DNAH12: variants seen among roughly 807,000 people sequenced by gnomAD.
DNAH12 encodes the protein axonemal beta dynein heavy chain 12.
A neutral mutation model predicts 371.5 loss-of-function variants in DNAH12; 285 were observed. The ratio of observed to expected loss-of-function variants is 0.77; its 90% CI spans 0.70 to 0.85. The LOEUF (loss-of-function observed/expected upper bound fraction) is 0.85. Among genes scored for constraint, DNAH12 ranks in the 40% least tolerant of loss-of-function variants. The pLI is 0.00. For synonymous variants in DNAH12, 1,200 were observed against 1,213.0 expected (o/e 0.99, Z 0.22); for missense variants, 3,611 against 3,689.4 (o/e 0.98, Z 0.55).
At chr3:57,326,676 A>G (rs2061955132) in intron 62 of DNAH12, among the ~76,000 whole-genome samples, 4 of 152,110 alleles carry the variant, frequency 2.6e-5, no homozygotes, top group South Asian at 4.1e-4. Flanking sequence ...ACCAGCTAAC[A>G]TCATAATGAC....
chr3:57,516,157 G>T (rs182035655), intron 4 of DNAH12, among the ~76,000 whole-genome samples: 25 of 135,452 alleles, frequency 1.8e-4, no homozygotes, highest in Middle Eastern at 4.4e-3. Context: ...TCCACCTCTT[G>T]GGTTCAAGTG....
chr3:57,416,452 A>G (rs2064379292), intron 37 of DNAH12, among the ~76,000 whole-genome samples: 1 of 152,216 alleles, frequency 6.6e-6, no homozygotes, highest in Non-Finnish European at 1.5e-5. Context: ...GCTATATATA[A>G]AACACTTATG....
At chr3:57,322,555 A>T in intron 64 of DNAH12, 72 bp from the exon 65 acceptor site, 3 of 1,438,524 alleles carry the variant, frequency 2.1e-6, no homozygotes, top group Non-Finnish European at 2.8e-6. Flanking sequence ...ATACACGTGG[A>T]TTAAAAAACA....
rs1553642292 is a variant in DNAH12 at position 57,299,505 on chromosome 3, T to TTA, written c.11394+2229_11394+2230insTA. Among the ~76,000 whole-genome samples the TTA allele has an allele frequency of 5.1e-3, 766 of 151,310 alleles. 10 individuals carry two copies. The highest frequency in any genetic ancestry group is 0.018 in the African/African-American group (735 of 41,206). Reference sequence around the variant, plus strand: ...GGCAGTGTGCAAAAAGTTTTTTTTTTAAAAAAAAGGCACAGGAAGGAGAGA... The same window carrying TTA: ...GGCAGTGTGCAAAAAGTTTTTTTTTTTAAAAAAAAAGGCACAGGAAGGAGAGA... On this transcript the variant is annotated intron_variant, in intron 70 of 73. Coordinates refer to ENST00000495027, the MANE Select transcript of DNAH12 (RefSeq NM_001366028.2).
At chr3:57,396,290 CAAAAAA>C (rs1159748997) in intron 43 of DNAH12, among the ~76,000 whole-genome samples, 2 of 68,756 alleles carry the variant, frequency 2.9e-5, no homozygotes, top group Non-Finnish European at 5.5e-5. Context: ...AAAAAAAAAA[CAAAAAA>C]AAAAAAAAAA....
chr3:57,403,644 C>A, intron 42 of DNAH12, 143 bp from the exon 43 acceptor site: 1 of 771,028 alleles, frequency 1.3e-6, no homozygotes, highest in Non-Finnish European at 1.9e-6. Flanking sequence ...AGTTTACTAT[C>A]AAAAAGTGTG....
intron 70 of DNAH12, among the ~76,000 whole-genome samples, chr3:57,298,648 C>G (rs943948105): frequency 2.0e-5 from 3 of 152,140 alleles, no homozygotes; most frequent in African/African-American, 2.4e-5. Flanking sequence ...TCTCTTTTTC[C>G]TTTCTTTGCA....
chr3:57,301,945 A>G lies in DNAH12; in HGVS notation c.11190-6T>C, dbSNP rs2061357405. 3 of 1,550,664 alleles carry G rather than the reference A, an allele frequency of 1.9e-6. No individual in the cohort carries two copies. The highest frequency in any genetic ancestry group is 2.4e-5 in the South Asian group (2 of 84,012). On this transcript the variant is annotated splice_region_variant and splice_polypyrimidine_tract_variant and intron_variant, in intron 69 of 73. Transcript: ENST00000495027. ...TACGTATAGTTATAATTAAACTGCA[A>G]TGAAAGAAATTATGTCATCAACATA...
intron 25 of DNAH12, among the ~76,000 whole-genome samples, chr3:57,446,948 C>A (rs927419558): frequency 6.6e-6 from 1 of 152,098 alleles, no homozygotes; most frequent in African/African-American, 2.4e-5. Context: ...AACAATCTAG[C>A]CTTATGGGGG....
intron 43 of DNAH12, among the ~76,000 whole-genome samples, chr3:57,395,493 CA>C (rs1283853367): frequency 6.6e-6 from 1 of 152,072 alleles, no homozygotes; most frequent in Non-Finnish European, 1.5e-5. Flanking sequence ...ATATTGTACA[CA>C]AAAACAACTA....
chr3:57,501,548 C>T, intron 10 of DNAH12, 136 bp from the exon 11 acceptor site: 1 of 589,692 alleles, frequency 1.7e-6, no homozygotes, highest in Non-Finnish European at 2.8e-6. Context: ...ACATGATTTA[C>T]TATATTTTAA....
At chr3:57,391,608 T>C (rs1308516662) in intron 45 of DNAH12, among the ~76,000 whole-genome samples, 1 of 152,234 alleles carries the variant, frequency 6.6e-6, no homozygotes, top group Non-Finnish European at 1.5e-5. Flanking sequence ...TGCCTTCGTA[T>C]ATATACCCTT....
chr3:57,535,328 T>C (rs1455660260), intron 2 of DNAH12, among the ~76,000 whole-genome samples: 2 of 152,192 alleles, frequency 1.3e-5, no homozygotes, highest in Admixed American at 6.5e-5. Context: ...TGGATCAATG[T>C]CACTATCAAA....
intron 37 of DNAH12, 150 bp from the exon 38 acceptor site, chr3:57,415,714 G>A: frequency 2.8e-6 from 2 of 709,304 alleles, no homozygotes; most frequent in South Asian, 2.7e-5. Flanking sequence ...ATGAAAGACA[G>A]ATAAAAGTAA....
At chr3:57,330,014 T>TATCATCTCATACCAGTTAGAATGGC (rs2062054790) in intron 62 of DNAH12, among the ~76,000 whole-genome samples, 1 of 151,644 alleles carries the variant, frequency 6.6e-6, no homozygotes, top group Admixed American at 6.6e-5. Flanking sequence ...CACAATGAGA[T>TATCATCTCATACCAGTTAGAATGGC]ATCATCTCAT....
rs1008188736 is a variant in DNAH12 at position 57,347,305 on chromosome 3, G to A, written c.9674+4780C>T. ...AGAAAGAATTATACACCACGACTAA[G>A]TGGGATTTATTATAGGTATGAAAGG... On this transcript the variant is annotated intron_variant, in intron 60 of 73. Coordinates refer to ENST00000495027, the MANE Select transcript of DNAH12 (RefSeq NM_001366028.2). Among the ~76,000 whole-genome samples the A allele has an allele frequency of 2.0e-5, 3 of 152,164 alleles. No homozygotes were observed. In the East Asian group the frequency reaches 5.8e-4, roughly 29 times the overall value.
At chr3:57,514,092 T>C (rs1036204182) in intron 4 of DNAH12, among the ~76,000 whole-genome samples, 12 of 152,230 alleles carry the variant, frequency 7.9e-5, no homozygotes, top group Non-Finnish European at 1.3e-4. Flanking sequence ...GGATACATTA[T>C]TAAGTTAAAA....
chr3:57,305,775 C>T (rs2061456535), intron 69 of DNAH12, among the ~76,000 whole-genome samples: 1 of 152,124 alleles, frequency 6.6e-6, no homozygotes, highest in Admixed American at 6.5e-5. Flanking sequence ...CCCTCAAACC[C>T]CACAACAGGA....
chr3:57,332,278 T>C (rs2062117267), intron 62 of DNAH12, among the ~76,000 whole-genome samples: 1 of 152,232 alleles, frequency 6.6e-6, no homozygotes. Context: ...AGCCTACTTA[T>C]CTTACCTTTA....
Sources: gnomAD v4.1 joint callset for allele counts (sites outside exome capture counted in the v4.1 genomes callset) on GRCh38, gnomAD v4.1.1 for gene constraint, MANE v1.5 for transcripts, NCBI Gene and HGNC (gene_info 2026-07-23, HGNC 2026-07-21) for gene names.